ARHGAP24: variants seen among roughly 807,000 people sequenced by gnomAD.
ARHGAP24 encodes the protein Rho GTPase activating protein 24, also known as rho GTPase-activating protein 24.
A neutral mutation model predicts 76.4 loss-of-function variants in ARHGAP24; 50 were observed. That is an observed-to-expected ratio of 0.65 (90% CI 0.52 to 0.83). ARHGAP24 has a LOEUF of 0.83. ARHGAP24 is among the 40% of genes least tolerant of loss of function. The pLI is 0.00. For missense variants in ARHGAP24, 930 were observed against 914.2 expected (o/e 1.02, Z -0.22); for synonymous variants, 345 against 323.3 (o/e 1.07, Z -0.72).
At chr4:85,831,631 G>A (rs894816614) in intron 3 of ARHGAP24, among the ~76,000 whole-genome samples, 1 of 152,142 alleles carries the variant, frequency 6.6e-6, no homozygotes, top group Non-Finnish European at 1.5e-5. Context: ...ACCTGGTACC[G>A]TGGCTCACAC....
rs188724957 is a variant in ARHGAP24 at position 85,634,176 on chromosome 4, G to A, written c.180+63455G>A. Among the ~76,000 whole-genome samples, 42 of 151,868 alleles carry A rather than the reference G, an allele frequency of 2.8e-4. 1 individual carries two copies. The highest frequency in any genetic ancestry group is 4.4e-4 in the Non-Finnish European group (30 of 67,784). On this transcript the variant is annotated intron_variant, in intron 2 of 9. Coordinates refer to ENST00000395184, the MANE Select transcript of ARHGAP24 (RefSeq NM_001025616.3). Reference sequence around the variant, plus strand: ...ATATTGATGTACATAATATGCAATAGGGAAATAAAAAGATAACTTGTCTCA... The same window carrying A: ...ATATTGATGTACATAATATGCAATAAGGAAATAAAAAGATAACTTGTCTCA...
At chr4:85,855,628 C>T (rs1731509565) in intron 3 of ARHGAP24, among the ~76,000 whole-genome samples, 1 of 152,014 alleles carries the variant, frequency 6.6e-6, no homozygotes, top group South Asian at 2.1e-4. Context: ...CCTGTCTCTA[C>T]TAAAATACAA....
chr4:85,570,321 T>TTC (rs901601963), intron 1 of ARHGAP24, among the ~76,000 whole-genome samples: 5 of 151,762 alleles, frequency 3.3e-5, no homozygotes, highest in South Asian at 2.1e-4. Flanking sequence ...CTCTTTCTCT[T>TTC]TCTCTCTCTC....
At chr4:85,768,174 G>A (rs932103542) in intron 3 of ARHGAP24, among the ~76,000 whole-genome samples, 2 of 152,048 alleles carry the variant, frequency 1.3e-5, no homozygotes, top group African/African-American at 4.8e-5. Context: ...TAATTAAAAA[G>A]AAAGATGAGA....
intron 2 of ARHGAP24, among the ~76,000 whole-genome samples, chr4:85,648,178 T>C (rs1220413995): frequency 6.6e-6 from 1 of 152,138 alleles, no homozygotes; most frequent in East Asian, 1.9e-4. Flanking sequence ...ATGTGGAAAC[T>C]CCTGATCCTA....
At chr4:85,492,445 C>T (rs766377650) in intron 1 of ARHGAP24, among the ~76,000 whole-genome samples, 8 of 152,134 alleles carry the variant, frequency 5.3e-5, no homozygotes, top group Non-Finnish European at 8.8e-5. Flanking sequence ...AAATGTAAAA[C>T]CAGATAAGCA....
chr4:85,928,278 T>G (rs1736126079), intron 4 of ARHGAP24, among the ~76,000 whole-genome samples: 1 of 150,768 alleles, frequency 6.6e-6, no homozygotes, highest in African/African-American at 2.4e-5. Flanking sequence ...CATCCCTCCC[T>G]CGCACTCTCC....
At position 85,561,864 on chromosome 4, in the gene ARHGAP24, C is replaced by T. The variant is rs559106236; in HGVS notation, c.-20-8658C>T. 7.9e-5 allele frequency among the ~76,000 whole-genome samples: 12 copies of T among 151,992 alleles called. No homozygotes were observed. The East Asian group carries it at 1.7e-3, about 22-fold the overall frequency. The stretch of plus-strand genomic sequence containing the variant: ...GAGACAGAGAAATGACAAGGAAAAC[C>T]GAATACAAAAGGGATTCTCGTGTGC... On this transcript the variant is annotated intron_variant, in intron 1 of 9. Transcript: ENST00000395184.
At chr4:85,854,925 GGGACTATTTACA>G (rs757155350) in intron 3 of ARHGAP24, among the ~76,000 whole-genome samples, 11 of 152,138 alleles carry the variant, frequency 7.2e-5, no homozygotes, top group Admixed American at 2.6e-4. Flanking sequence ...CCAAGAACAA[GGGACTATTTACA>G]GGACTTTGAT....
chr4:85,894,494 C>T (rs1044482471), intron 3 of ARHGAP24, among the ~76,000 whole-genome samples: 2 of 152,166 alleles, frequency 1.3e-5, no homozygotes, highest in Non-Finnish European at 2.9e-5. Context: ...TTTGAAGGCA[C>T]AAGATCATCC....
At chr4:85,582,465 C>CAA (rs1727654854) in intron 2 of ARHGAP24, among the ~76,000 whole-genome samples, 1 of 152,096 alleles carries the variant, frequency 6.6e-6, no homozygotes, top group Admixed American at 6.6e-5. Context: ...AATCAGACTG[C>CAA]TCCCTTTAAA....
In ARHGAP24 at chr4:86,000,909, G is replaced by T. The variant is rs1329033451; in HGVS notation, c.*187G>T. 2.4e-6 allele frequency: 2 copies of T among 830,968 alleles called. No homozygotes were observed. The highest frequency in any genetic ancestry group is 1.7e-5 in the African/African-American group (1 of 58,160). 51.5% of individuals were successfully genotyped at this position (830,968 alleles called of 1,614,324 possible). A position where few individuals can be genotyped will look rare whatever the true frequency, so the allele number is the denominator to read the frequency against. On this transcript the variant is annotated 3_prime_UTR_variant, in exon 10 of 10. Coordinates refer to ENST00000395184, the MANE Select transcript of ARHGAP24 (RefSeq NM_001025616.3). ...CCAAAGTTATATCATGCCCCATAATGCTACTGTCAAGTGTTACAACTGGAT... is the reference window on the plus strand; with the variant it reads ...CCAAAGTTATATCATGCCCCATAATTCTACTGTCAAGTGTTACAACTGGAT...
intron 1 of ARHGAP24, among the ~76,000 whole-genome samples, chr4:85,508,507 C>A (rs1036802668): frequency 8.5e-5 from 13 of 152,122 alleles, no homozygotes; most frequent in African/African-American, 3.1e-4. Flanking sequence ...GGCAAAAAGA[C>A]CGAGTTTTGT....
chr4:85,935,017 TAC>T (rs1440743019), intron 4 of ARHGAP24, among the ~76,000 whole-genome samples: 2 of 152,196 alleles, frequency 1.3e-5, no homozygotes, highest in African/African-American at 4.8e-5. Context: ...ACTGGTGAGG[TAC>T]AGTGTTACTA....
intron 3 of ARHGAP24, among the ~76,000 whole-genome samples, chr4:85,863,846 G>T (rs570491155): frequency 6.6e-6 from 1 of 152,110 alleles, no homozygotes; most frequent in East Asian, 1.9e-4. Context: ...AGGTAGAAGA[G>T]AAAGGGAAAC....
At chr4:85,973,630 TTCTTCTAAGA>T (rs1430327630) in intron 6 of ARHGAP24, among the ~76,000 whole-genome samples, 2 of 152,168 alleles carry the variant, frequency 1.3e-5, no homozygotes, top group Non-Finnish European at 2.9e-5. Flanking sequence ...CTCCTGTATT[TTCTTCTAAGA>T]CTTCTATAGC....
At chr4:85,961,042 T>C (rs1738212876) in intron 5 of ARHGAP24, among the ~76,000 whole-genome samples, 1 of 152,080 alleles carries the variant, frequency 6.6e-6, no homozygotes. Flanking sequence ...CTCTCTTTCC[T>C]CACTCTGACC....
intron 1 of ARHGAP24, among the ~76,000 whole-genome samples, chr4:85,565,367 G>T (rs1357387846): frequency 6.6e-6 from 1 of 152,050 alleles, no homozygotes; most frequent in African/African-American, 2.4e-5. Context: ...TCTCTCATAG[G>T]TTGCAGTATT....
chr4:85,572,799 T>C (rs1236994636), intron 2 of ARHGAP24, among the ~76,000 whole-genome samples: 2 of 152,050 alleles, frequency 1.3e-5, no homozygotes, highest in East Asian at 3.9e-4. Context: ...TTTCATTCTA[T>C]GTATTATTTG....
Sources: allele counts gnomAD v4.1 joint callset (sites outside exome capture counted in the v4.1 genomes callset), GRCh38; gene constraint gnomAD v4.1.1; transcripts MANE v1.5; gene names NCBI Gene and HGNC (gene_info 2026-07-23, HGNC 2026-07-21).